FAM161B: variants seen among roughly 807,000 people sequenced by gnomAD.
FAM161B encodes FAM161 centrosomal protein B.
FAM161B carries 46 observed loss-of-function variants against 61.5 expected under a neutral mutation model. The observed-to-expected ratio is 0.75, with a 90% CI of 0.59 to 0.96. The LOEUF (loss-of-function observed/expected upper bound fraction) is 0.96, where lower values mean the gene tolerates loss of function less well. Among genes scored for constraint, FAM161B ranks in the 40% least tolerant of loss-of-function variants. The pLI, the probability that FAM161B is intolerant of heterozygous loss-of-function variation, is 0.00. For synonymous variants in FAM161B, 284 were observed against 302.7 expected, an observed-to-expected ratio of 0.94 and a Z score of 0.64; for missense variants, 774 against 800.7, an observed-to-expected ratio of 0.97 and a Z score of 0.40.
intron 4 of FAM161B, among the ~76,000 whole-genome samples, chr14:73,941,422 A>G (rs1239267054): frequency 6.6e-6 from 1 of 151,880 alleles, no homozygotes; most frequent in Non-Finnish European, 1.5e-5. Context: ...GCGCCCAGCC[A>G]TTTTCTATCT....
At chr14:73,925,471 A>G in the FAM161B span, among the ~76,000 whole-genome samples, 1 of 150,234 alleles carries the variant, frequency 6.7e-6, no homozygotes, top group South Asian at 2.1e-4. Flanking sequence ...ACTGTCGCCC[A>G]GGCTGGAGTG....
intron 3 of FAM161B, 22 bp from the exon 4 acceptor site, chr14:73,942,737 G>A (rs557023170): frequency 6.3e-7 from 1 of 1,596,954 alleles, no homozygotes; most frequent in East Asian, 2.2e-5. Context: ...GGATGGTGAT[G>A]GGTAAGAAAG....
chr14:73,944,226 C>G, intron 3 of FAM161B, 109 bp downstream of exon 3: 2 of 1,500,092 alleles, frequency 1.3e-6, no homozygotes, highest in Non-Finnish European at 1.8e-6. Flanking sequence ...GTGGGTCCAC[C>G]CAAGCAGCAA....
In FAM161B at chr14:73,944,559, A is replaced by C. The variant is rs1357164866; in HGVS notation, c.701T>G (p.Met234Arg). 6.2e-7 allele frequency: 1 copy of C among 1,613,926 alleles called. No homozygotes were observed. Among genetic ancestry groups the C allele is most frequent in the Non-Finnish European group, 8.5e-7 (1 of 1,179,988 alleles). Reference sequence around the variant, plus strand: ...CTGCCTTCGGGCCTCGCTGCGCTCCATGATCTCTTGGTAGAGGGGCAGGTA... The same window carrying C: ...CTGCCTTCGGGCCTCGCTGCGCTCCCTGATCTCTTGGTAGAGGGGCAGGTA... ...HVYLPLYQEI[M>R]ERSEARRQAG... The change falls in exon 3 of 9, where the codon ATG becomes AGG. Residue 234 changes from methionine to arginine, a missense_variant. Coordinates refer to ENST00000286544, the MANE Select transcript of FAM161B (RefSeq NM_152445.3).
chr14:73,934,689 C>T (rs2140341005), intron 8 of FAM161B, among the ~76,000 whole-genome samples: 1 of 151,842 alleles, frequency 6.6e-6, no homozygotes. Flanking sequence ...TCAAGCGATC[C>T]ACCCACGTCA....
intron 8 of FAM161B, 46 bp downstream of exon 8, chr14:73,935,903 A>T: frequency 1.3e-6 from 2 of 1,579,594 alleles, no homozygotes; most frequent in South Asian, 1.2e-5. Context: ...ATTACTGGGT[A>T]TGACAATTTA....
intron 1 of FAM161B, among the ~76,000 whole-genome samples, chr14:73,949,296 G>A (rs62006128): frequency 0.3 from 46,065 of 151,930 alleles, 8,879 homozygotes; most frequent in Non-Finnish European, 0.42. Context: ...GTAGAGACAG[G>A]GTTTCTCCAT....
chr14:73,939,823 A>C (rs2140344753), intron 5 of FAM161B, among the ~76,000 whole-genome samples: 1 of 152,352 alleles, frequency 6.6e-6, no homozygotes, highest in African/African-American at 2.4e-5. Flanking sequence ...ATTCAAATGG[A>C]CATACTGGGA....
chr14:73,942,844 T>C, intron 3 of FAM161B, 129 bp from the exon 4 acceptor site: 1 of 759,924 alleles, frequency 1.3e-6, no homozygotes, highest in East Asian at 2.7e-5. Context: ...TCAGGAATTC[T>C]GACACGTTAA....
intron 3 of FAM161B, among the ~76,000 whole-genome samples, chr14:73,943,761 T>C (rs1352060138): frequency 1.3e-5 from 2 of 152,228 alleles, no homozygotes; most frequent in Non-Finnish European, 2.9e-5. Context: ...CACATTTGTA[T>C]GTATTTGTCT....
chr14:73,940,980 T>C lies in FAM161B; in HGVS notation c.1346A>G (p.Asn449Ser), dbSNP rs756471049. Residue 449 changes from asparagine (N) to serine (S), a missense_variant, in exon 5 of 9, where the codon AAC becomes AGC. Asn to Ser is a conservative substitution (Grantham distance 46). Transcript: ENST00000286544. Reference sequence around the variant, plus strand: ...ATCTGTGATGTGCACAGGGAGAGTGTTGGCAGAGAGGGAAGCAAGGCCGCT... The same window carrying C: ...ATCTGTGATGTGCACAGGGAGAGTGCTGGCAGAGAGGGAAGCAAGGCCGCT... ...SLSGLASLSANTLPVHITDAT... is the reference protein window; with the variant it reads ...SLSGLASLSASTLPVHITDAT... 10 of 1,613,704 alleles carry C rather than the reference T, an allele frequency of 6.2e-6. No homozygotes were observed. The highest frequency in any genetic ancestry group is 2.2e-5 in the South Asian group (2 of 91,064).
At chr14:73,939,233 A>G (rs577502168) in intron 5 of FAM161B, among the ~76,000 whole-genome samples, 24 of 152,232 alleles carry the variant, frequency 1.6e-4, no homozygotes, top group African/African-American at 5.8e-4. Context: ...CGGGAGGCAG[A>G]GGTTGCAGTG....
At position 73,941,007 on chromosome 14, in the gene FAM161B, A is replaced by G. The variant is rs143909733; in HGVS notation, c.1319T>C (p.Leu440Pro). Residue 440 changes from leucine (L) to proline (P), a missense_variant, in exon 5 of 9, where the codon CTG becomes CCG. Leu to Pro is a moderately conservative substitution (Grantham distance 98, BLOSUM62 -3). Transcript: ENST00000286544. ...GGCAGAGAGGGAAGCAAGGCCGCTC[A>G]GAGAACGACTCCTTGGCAGGGGTGT... ...PATPLPRSRS[L>P]SGLASLSANT... 2.5e-6 allele frequency: 4 copies of G among 1,613,366 alleles called. No individual in the cohort carries two copies. The highest frequency in any genetic ancestry group is 2.2e-5 in the East Asian group (1 of 44,860).
rs2055936193 is a variant in FAM161B at position 73,932,835 on chromosome 14, G to C, written c.*1421C>G. ...TAGAAATGAGGTCTGTGTTGCCCAG[G>C]CTGGTCTTGAACGCCTGGCTTCAAG... On this transcript the variant is annotated 3_prime_UTR_variant, in exon 9 of 9. Coordinates refer to ENST00000286544, the MANE Select transcript of FAM161B (RefSeq NM_152445.3). 1 of 181,256 alleles carries C rather than the reference G, an allele frequency of 5.5e-6. No homozygotes were observed. The highest frequency in any genetic ancestry group is 2.4e-5 in the African/African-American group (1 of 41,880). 11.2% of individuals were successfully genotyped at this position (181,256 alleles called of 1,614,324 possible). A position where few individuals can be genotyped will look rare whatever the true frequency, so the allele number is the denominator to read the frequency against.
chr14:73,938,994 G>A (rs889768498), intron 5 of FAM161B, among the ~76,000 whole-genome samples: 16 of 151,808 alleles, frequency 1.1e-4, no homozygotes, highest in Non-Finnish European at 2.1e-4. Context: ...CTGGAGAAAC[G>A]TCAGTTAAAA....
chr14:73,949,604 C>G lies in FAM161B; in HGVS notation c.54+369G>C, dbSNP rs571528302. On this transcript the variant is annotated intron_variant, in intron 1 of 8. Coordinates refer to ENST00000286544, the MANE Select transcript of FAM161B (RefSeq NM_152445.3). The stretch of plus-strand genomic sequence containing the variant: ...GAACTCCTGACCTCAGGTGATCCAC[C>G]CGCCTCGGCCTCCCAAAGTGCTAGG... 1.9e-3 allele frequency among the ~76,000 whole-genome samples: 290 copies of G among 151,540 alleles called. 1 individual carries two copies. The highest frequency in any genetic ancestry group is 5.5e-3 in the African/African-American group (227 of 41,266).
the FAM161B span, among the ~76,000 whole-genome samples, chr14:73,924,396 C>T: frequency 1.3e-5 from 2 of 152,106 alleles, no homozygotes; most frequent in East Asian, 3.9e-4. Flanking sequence ...CAGTGCTGGT[C>T]CATGGCCTGG....
chr14:73,949,286 G>A (rs1594780920), intron 1 of FAM161B, among the ~76,000 whole-genome samples: 2 of 151,890 alleles, frequency 1.3e-5, no homozygotes, highest in Non-Finnish European at 2.9e-5. Context: ...ATTTTTTTTA[G>A]TAGAGACAGG....
rs2140340048 is a variant in FAM161B, at chr14:73,933,500, A to G, written c.*756T>C. On this transcript the variant is annotated 3_prime_UTR_variant, in exon 9 of 9. Coordinates refer to ENST00000286544, the MANE Select transcript of FAM161B (RefSeq NM_152445.3). ...AGATGTATTTTATTTTGCCCATACA[A>G]TATTTCTAAGTAATTTTTAAATTAG... The G allele has an allele frequency of 6.6e-6, 1 of 152,322 alleles. No homozygotes were observed. Among genetic ancestry groups the G allele is most frequent in the Non-Finnish European group, 1.5e-5 (1 of 68,032 alleles). 9.4% of individuals were successfully genotyped at this position (152,322 alleles called of 1,614,324 possible). A position where few individuals can be genotyped will look rare whatever the true frequency, so the allele number is the denominator to read the frequency against.
Sources: allele counts gnomAD v4.1 joint callset (sites outside exome capture counted in the v4.1 genomes callset), GRCh38; gene constraint gnomAD v4.1.1; transcripts MANE v1.5; gene names NCBI Gene and HGNC (gene_info 2026-07-23, HGNC 2026-07-21).